The following SLC51A variants were observed in gnomAD, a reference collection of about 807,000 sequenced individuals.
SLC51A encodes the protein solute carrier family 51 member A, also known as organic solute transporter subunit alpha.
A neutral mutation model predicts 34.8 loss-of-function variants in SLC51A; 22 were observed. The ratio of observed to expected loss-of-function variants is 0.63; its 90% CI spans 0.45 to 0.90. The LOEUF (loss-of-function observed/expected upper bound fraction) is 0.90, where lower values mean the gene tolerates loss of function less well. Among genes scored for constraint, SLC51A ranks in the 40% least tolerant of loss-of-function variants. The probability of loss-of-function intolerance (pLI) is 0.00; values close to 1 mark genes in which losing one functional copy is unlikely to be tolerated. For missense variants in SLC51A, 371 were observed against 414.8 expected (o/e 0.89, Z 0.92); for synonymous variants, 181 against 176.3 (o/e 1.03, Z -0.21).
rs769301144 is a variant in SLC51A at position 196,228,848 on chromosome 3, C to T, written c.561C>T (p.Tyr187=). The T allele has an allele frequency of 3.7e-5, 59 of 1,614,054 alleles. No homozygotes were observed. The highest frequency in any genetic ancestry group is 4.4e-5 in the South Asian group (4 of 91,074). Residue 187 remains tyrosine (Y), a synonymous_variant, in exon 6 of 9, where the codon TAC becomes TAT. Transcript: ENST00000296327. This position sits in a 1 kb window ranked among gnomAD's most constrained non-coding sequence, Gnocchi z 4.9. ...LQLLMLGPFQ[Y]AFLKITLTLV... is the part of the protein sequence containing the mutation. ...TGCTGATGTTGGGCCCTTTCCAATA[C>T]GCCTTCTTGAAGATAACGCTGACCC...
In SLC51A at chr3:196,216,806, C is replaced by G; in HGVS notation, c.38+56C>G. Reference sequence around the variant, plus strand: ...CGCTGGGCAGCGGTGGCCCCTATCCCGCGGCCTGTCCTCTCTCCCTCCCAG... The same window carrying G: ...CGCTGGGCAGCGGTGGCCCCTATCCGGCGGCCTGTCCTCTCTCCCTCCCAG... On this transcript the variant is annotated intron_variant, in intron 1 of 8. Transcript: ENST00000296327. The surrounding 1 kb of genome is among the most constrained non-coding windows in gnomAD (Gnocchi z 4.5). 6.6e-7 allele frequency: 1 copy of G among 1,515,664 alleles called. No homozygotes were observed. The highest frequency in any genetic ancestry group is 8.9e-7 in the Non-Finnish European group (1 of 1,120,642). The allele number at this position is 1,515,664 out of a possible 1,614,324, so 93.9% of individuals were successfully genotyped here.
Position 196,217,891 on chromosome 3 carries a change from T to C in SLC51A, c.88T>C (p.Ser30Pro), listed in dbSNP as rs377579251. Residue 30 changes from serine to proline, a missense_variant, in exon 2 of 9, where the codon TCC becomes CCC. By Grantham distance (74) the Ser-to-Pro change is moderately conservative. Transcript: ENST00000296327. ...GCTGAAGACCAATTACGGCATCCCC[T>C]CCGCCTGCTTCTCTCAGCCTCCCAC... ...EVLKTNYGIP[S>P]ACFSQPPTAA... is the part of the protein sequence containing the mutation. 2 of 1,613,480 alleles carry C rather than the reference T, an allele frequency of 1.2e-6. No individual in the cohort carries two copies. The highest frequency in any genetic ancestry group is 1.7e-6 in the Non-Finnish European group (2 of 1,179,776).
rs763776660 is a variant in SLC51A, at chr3:196,216,781, C to T, written c.38+31C>T. The T allele has an allele frequency of 2.1e-5, 32 of 1,556,248 alleles. No homozygotes were observed. Among genetic ancestry groups the T allele is most frequent in the African/African-American group, 8.2e-5 (6 of 73,538 alleles). On this transcript the variant is annotated intron_variant, in intron 1 of 8. Transcript: ENST00000296327. The surrounding 1 kb of genome is among the most constrained non-coding windows in gnomAD (Gnocchi z 4.5). ...TGAGGGCGGCGGGCCCTGGGCCAGTCGCTGGGCAGCGGTGGCCCCTATCCC... is the reference window on the plus strand; with the variant it reads ...TGAGGGCGGCGGGCCCTGGGCCAGTTGCTGGGCAGCGGTGGCCCCTATCCC...
Position 196,228,125 on chromosome 3 carries a change from G to T in SLC51A, c.373G>T (p.Val125Leu), listed in dbSNP as rs1233491609. Residue 125 changes from valine to leucine, a missense_variant, in exon 5 of 9, where the codon GTG becomes TTG. Transcript: ENST00000296327. The surrounding 1 kb of genome is among the most constrained non-coding windows in gnomAD (Gnocchi z 4.9). Reference sequence around the variant, plus strand: ...CTCTCCCCACCCCAGGTTTTATGCCGTGTGCTTTTACCTGCTGATGCTGGT... The same window carrying T: ...CTCTCCCCACCCCAGGTTTTATGCCTTGTGCTTTTACCTGCTGATGCTGGT... The part of the protein sequence containing the change: ...VEMTITSFYA[V>L]CFYLLMLVMV... 1 of 1,613,514 alleles carries T rather than the reference G, an allele frequency of 6.2e-7. No individual in the cohort carries two copies. Among genetic ancestry groups the T allele is most frequent in the Non-Finnish European group, 8.5e-7 (1 of 1,179,754 alleles).
Position 196,228,004 on chromosome 3 carries a change from A to G in SLC51A, c.363-111A>G. 2 of 1,425,636 alleles carry G rather than the reference A, an allele frequency of 1.4e-6. No individual in the cohort carries two copies. Among genetic ancestry groups the G allele is most frequent in the Non-Finnish European group, 1.9e-6 (2 of 1,044,118 alleles). The allele number at this position is 1,425,636 out of a possible 1,614,324, so 88.3% of individuals were successfully genotyped here. On this transcript the variant is annotated intron_variant, in intron 4 of 8. Coordinates refer to ENST00000296327, the MANE Select transcript of SLC51A (RefSeq NM_152672.6). This position sits in a 1 kb window ranked among gnomAD's most constrained non-coding sequence, Gnocchi z 4.9. ...TCCTCTCCCTCGCCCCTCTTGGGTC[A>G]CACACCCAGAACGCCCAGCCCTAGC...
At chr3:196,220,683 G>A (rs1021324492) in intron 2 of SLC51A, among the ~76,000 whole-genome samples, 2 of 152,108 alleles carry the variant, frequency 1.3e-5, no homozygotes, top group African/African-American at 4.8e-5. Context: ...GCAGGGCAGT[G>A]GCAGGGAAAG....
chr3:196,228,070 T>C lies in SLC51A; in HGVS notation c.363-45T>C, dbSNP rs1458686396. ...GCCCCACCTCTCCCTGCTGTCTTTC[T>C]CTCTGGCAGCAGACCTCGTAGGCCC... On this transcript the variant is annotated intron_variant, in intron 4 of 8. Coordinates refer to ENST00000296327, the MANE Select transcript of SLC51A (RefSeq NM_152672.6). This position sits in a 1 kb window ranked among gnomAD's most constrained non-coding sequence, Gnocchi z 4.9. 3 of 1,585,388 alleles carry C rather than the reference T, an allele frequency of 1.9e-6. No individual in the cohort carries two copies. Among genetic ancestry groups the C allele is most frequent in the East Asian group, 2.2e-5 (1 of 44,574 alleles).
chr3:196,217,919 CA>C lies in SLC51A; in HGVS notation c.117del (p.Ala40ProfsTer4), dbSNP rs1411949446. The C allele has an allele frequency of 6.2e-7, 1 of 1,612,852 alleles. No individual in the cohort carries two copies. The highest frequency in any genetic ancestry group is 8.5e-7 in the Non-Finnish European group (1 of 1,179,532). Reference protein sequence around the residue: ...PSACFSQPPTAAQLLRALGPV... With the variant: ...PSACFSQPPTXAQLLRALGPV... ...GCCTGCTTCTCTCAGCCTCCCACAG[CA>C]GCCCAACTCCTGAGAGGTGAGTGGG... On this transcript the variant is annotated frameshift_variant, in exon 2 of 9. Coordinates refer to ENST00000296327, the MANE Select transcript of SLC51A (RefSeq NM_152672.6). LOFTEE classifies it high-confidence loss of function.
intron 3 of SLC51A, 102 bp from the exon 4 acceptor site, chr3:196,227,562 C>T (rs1400125174): frequency 1.0e-6 from 1 of 972,066 alleles, no homozygotes; most frequent in Non-Finnish European, 1.6e-6. Flanking sequence ...GGAACGCTGC[C>T]TCGAATGTGT....
chr3:196,232,443 C>A lies in SLC51A; in HGVS notation c.805C>A (p.Gln269Lys). The change falls in exon 8 of 9, where the codon CAG (glutamine) becomes AAG (lysine). Residue 269 changes from glutamine (Q) to lysine (K), a missense_variant. Physicochemically the swap from Gln to Lys is moderately conservative, Grantham distance 53 (BLOSUM62 1). Coordinates refer to ENST00000296327, the MANE Select transcript of SLC51A (RefSeq NM_152672.6). ...FQVLLILTAL[Q>K]PSIFSVLANG... Reference sequence around the variant, plus strand: ...GGTTCTCCTCATCCTGACTGCCCTACAGCCCTCCATCTTCTCAGTCTTGGC... The same window carrying A: ...GGTTCTCCTCATCCTGACTGCCCTAAAGCCCTCCATCTTCTCAGTCTTGGC... 1 of 1,614,172 alleles carries A rather than the reference C, an allele frequency of 6.2e-7. No homozygotes were observed. Among genetic ancestry groups the A allele is most frequent in the Non-Finnish European group, 8.5e-7 (1 of 1,179,972 alleles).
chr3:196,222,959 A>G (rs1034776692), intron 2 of SLC51A, among the ~76,000 whole-genome samples: 9 of 151,838 alleles, frequency 5.9e-5, no homozygotes, highest in Non-Finnish European at 1.0e-4. Flanking sequence ...GGCAACAGTT[A>G]GAAGACACTG....
intron 4 of SLC51A, 156 bp downstream of exon 4, chr3:196,227,893 C>A: frequency 1.1e-6 from 1 of 918,242 alleles, no homozygotes; most frequent in Non-Finnish European, 1.6e-6. Flanking sequence ...TCAGGGAATG[C>A]CTCATTTTGG....
In SLC51A at chr3:196,232,879, G is replaced by A. The variant is rs115878588; in HGVS notation, c.887-184G>A. 1,985 of 644,554 alleles carry A rather than the reference G, an allele frequency of 3.1e-3. 35 individuals carry two copies. The African/African-American group carries it at 0.032, about 11-fold the overall frequency. 39.9% of individuals were successfully genotyped at this position (644,554 alleles called of 1,614,324 possible). A position where few individuals can be genotyped will look rare whatever the true frequency, so the allele number is the denominator to read the frequency against. On this transcript the variant is annotated intron_variant, in intron 8 of 8. Coordinates refer to ENST00000296327, the MANE Select transcript of SLC51A (RefSeq NM_152672.6). Reference sequence around the variant, plus strand: ...CAGCCTCAGAGCACAGAAGTAGACAGCCAACTTCCGGTTCTGGCTCTACCA... The same window carrying A: ...CAGCCTCAGAGCACAGAAGTAGACAACCAACTTCCGGTTCTGGCTCTACCA...
At position 196,216,582 on chromosome 3, in the gene SLC51A, G is replaced by C. The variant is rs1267840809; in HGVS notation, c.-131G>C. 1.2e-4 allele frequency: 110 copies of C among 913,780 alleles called. 2 individuals are homozygous for C. In the East Asian group the frequency reaches 2.7e-3, roughly 22 times the overall value. The allele number at this position is 913,780 out of a possible 1,614,324, so 56.6% of individuals were successfully genotyped here. On this transcript the variant is annotated 5_prime_UTR_variant, in exon 1 of 9. Transcript: ENST00000296327. The surrounding 1 kb of genome is among the most constrained non-coding windows in gnomAD (Gnocchi z 4.5). Reference sequence around the variant, plus strand: ...GCTCAAGGAGGGAGAGCGGCAGAGGGGAAGACTCTGCAATTCTGCTTGCCC... The same window carrying C: ...GCTCAAGGAGGGAGAGCGGCAGAGGCGAAGACTCTGCAATTCTGCTTGCCC...
intron 7 of SLC51A, among the ~76,000 whole-genome samples, chr3:196,230,791 C>T (rs1211747416): frequency 3.9e-5 from 6 of 152,206 alleles, no homozygotes; most frequent in Admixed American, 2.6e-4. Flanking sequence ...TCCATCTCAT[C>T]TATTTTTAGG....
At chr3:196,226,201 G>A (rs1397104077) in intron 2 of SLC51A, among the ~76,000 whole-genome samples, 1 of 152,040 alleles carries the variant, frequency 6.6e-6, no homozygotes, top group Non-Finnish European at 1.5e-5. Context: ...CACACCTGTA[G>A]TCCCAGGCTA....
intron 2 of SLC51A, among the ~76,000 whole-genome samples, chr3:196,222,626 T>A (rs1487839530): frequency 2.8e-5 from 4 of 140,470 alleles, no homozygotes; most frequent in Non-Finnish European, 6.1e-5. Context: ...AGAGTAAGGC[T>A]CCATCTCAAA....
chr3:196,218,863 C>A (rs1347905666), intron 2 of SLC51A, among the ~76,000 whole-genome samples: 4 of 146,610 alleles, frequency 2.7e-5, no homozygotes, highest in Non-Finnish European at 3.0e-5. Context: ...AAAAAAAAAA[C>A]ATAGGTGAAC....
intron 2 of SLC51A, among the ~76,000 whole-genome samples, chr3:196,222,624 G>T (rs1224157498): frequency 6.9e-6 from 1 of 144,940 alleles, no homozygotes. Flanking sequence ...ACAGAGTAAG[G>T]CTCCATCTCA....
Sources: allele counts gnomAD v4.1 joint callset (sites outside exome capture counted in the v4.1 genomes callset), GRCh38; gene constraint gnomAD v4.1.1; non-coding constraint Gnocchi (gnomAD v3.1); transcripts MANE v1.5; gene names NCBI Gene and HGNC (gene_info 2026-07-23, HGNC 2026-07-21).